PKHD1: variants seen among roughly 807,000 people sequenced by gnomAD.
The protein encoded by PKHD1 is fibrocystin.
PKHD1 carries 291 observed loss-of-function variants against 412.0 expected under a neutral mutation model. The ratio of observed to expected loss-of-function variants is 0.71; its 90% confidence interval spans 0.64 to 0.78. PKHD1 has a LOEUF of 0.78. Among genes scored for constraint, PKHD1 ranks in the 30% least tolerant of loss-of-function variants. The probability of loss-of-function intolerance (pLI) is 0.00; values close to 1 mark genes in which losing one functional copy is unlikely to be tolerated. For missense variants in PKHD1, 4,825 were observed against 4,950.7 expected, an observed-to-expected ratio of 0.97 and a Z score of 0.76; for synonymous variants, 1,777 against 1,821.5, an observed-to-expected ratio of 0.98 and a Z score of 0.62.
At chr6:51,638,450 T>C (rs1049955575) in intron 64 of PKHD1, among the ~76,000 whole-genome samples, 1 of 152,140 alleles carries the variant, frequency 6.6e-6, no homozygotes, top group Admixed American at 6.6e-5. Flanking sequence ...ATGGGTATTG[T>C]CCCCATTTGG....
intron 28 of PKHD1, 100 bp from the exon 29 acceptor site, chr6:52,033,265 T>G (rs951111293): frequency 1.8e-4 from 174 of 962,366 alleles, no homozygotes; most frequent in Non-Finnish European, 2.7e-4. Flanking sequence ...AAAAGTTAAT[T>G]TTAAGAAAGT....
chr6:51,777,413 G>T (rs932582192), intron 53 of PKHD1, among the ~76,000 whole-genome samples: 9 of 152,074 alleles, frequency 5.9e-5, no homozygotes, highest in Non-Finnish European at 1.0e-4. Flanking sequence ...AGGTCAATGG[G>T]TGAGCAAGCC....
Position 52,028,171 on chromosome 6 carries a change from C to G in PKHD1, c.3545G>C (p.Ser1182Thr), listed in dbSNP as rs1423728824. ...HRISVSINGV[S>T]IHSQGVDLHI... is the part of the protein sequence containing the mutation. ...GTCACCTCACCCTTGTGAGTGAATGCTGACCCCATTGATAGAGACGGAAAT... is the reference window on the plus strand; with the variant it reads ...GTCACCTCACCCTTGTGAGTGAATGGTGACCCCATTGATAGAGACGGAAAT... The change falls in exon 30 of 67, where the codon AGC becomes ACC. Residue 1182 changes from serine (S) to threonine (T), a missense_variant. By Grantham distance (58) the Ser-to-Thr change is moderately conservative (BLOSUM62 1). Coordinates refer to ENST00000371117, the MANE Select transcript of PKHD1 (RefSeq NM_138694.4). 1 of 1,614,172 alleles carries G rather than the reference C, an allele frequency of 6.2e-7. No individual in the cohort carries two copies. The highest frequency in any genetic ancestry group is 8.5e-7 in the Non-Finnish European group (1 of 1,179,968).
At chr6:51,728,710 C>G (rs1397476020) in intron 60 of PKHD1, among the ~76,000 whole-genome samples, 1 of 152,172 alleles carries the variant, frequency 6.6e-6, no homozygotes. Flanking sequence ...GCCAAGTTCA[C>G]CAGACTTCTG....
intron 61 of PKHD1, among the ~76,000 whole-genome samples, chr6:51,654,182 C>T (rs1386956821): frequency 6.6e-6 from 1 of 152,006 alleles, no homozygotes; most frequent in Non-Finnish European, 1.5e-5. Flanking sequence ...AATCATAAGT[C>T]GAAACCTTGA....
intron 48 of PKHD1, among the ~76,000 whole-genome samples, chr6:51,857,493 C>T (rs1204506346): frequency 2.0e-5 from 3 of 152,186 alleles, no homozygotes; most frequent in African/African-American, 7.2e-5. Flanking sequence ...TAGATTGGCA[C>T]TCAGTAGGTG....
intron 60 of PKHD1, among the ~76,000 whole-genome samples, chr6:51,728,681 A>G (rs1782878053): frequency 6.6e-6 from 1 of 152,194 alleles, no homozygotes; most frequent in African/African-American, 2.4e-5. Context: ...GCCATCAGAG[A>G]TCTGAAGCAG....
rs17638791 is a variant in PKHD1 at position 52,076,018 on chromosome 6, T to C, written c.448+258A>G. Among the ~76,000 whole-genome samples the C allele has an allele frequency of 0.053, 8,079 of 152,242 alleles. 296 individuals are homozygous for C. The highest frequency in any genetic ancestry group is 0.11 in the East Asian group (576 of 5,176). ...CTCCTCTTTCCTCCAGTCTCCAACA[T>C]CAACTCATTTGATTTTGCTGTCCTC... On this transcript the variant is annotated intron_variant, in intron 6 of 66. Coordinates refer to ENST00000371117, the MANE Select transcript of PKHD1 (RefSeq NM_138694.4).
chr6:51,701,264 G>A (rs1477260208), intron 60 of PKHD1, among the ~76,000 whole-genome samples: 4 of 152,014 alleles, frequency 2.6e-5, no homozygotes, highest in South Asian at 2.1e-4. Context: ...TGCCATATTC[G>A]AAATTATTAA....
chr6:51,817,037 C>T (rs992742598), intron 52 of PKHD1, among the ~76,000 whole-genome samples: 7 of 151,540 alleles, frequency 4.6e-5, no homozygotes, highest in African/African-American at 1.5e-4. Context: ...AGATACAGGA[C>T]GTTTTATCCG....
intron 33 of PKHD1, 118 bp from the exon 34 acceptor site, chr6:52,017,747 T>C (rs1344967087): frequency 2.6e-6 from 2 of 756,162 alleles, no homozygotes; most frequent in African/African-American, 3.5e-5. Flanking sequence ...AAGTTAGCAG[T>C]TTACTTTTTT....
chr6:51,777,679 GAAAAAAAAAAAAAAAAAAAAA>G (rs59379021), intron 53 of PKHD1, among the ~76,000 whole-genome samples: 49,310 of 121,102 alleles, frequency 0.41, 11,106 homozygotes, highest in East Asian at 0.7. Flanking sequence ...GAGTCTTTGG[GAAAAAAAAAAAAAAAAAAAAA>G]AAAAAAAAAA....
Position 51,844,426 on chromosome 6 carries a change from G to T in PKHD1, c.8107+3349C>A, listed in dbSNP as rs150663262. ...GGGTCAAAACATATTGTATGCGTAT[G>T]ATTTTTTTCTTTGTCACTGGGAATC... On this transcript the variant is annotated intron_variant, in intron 50 of 66. Transcript: ENST00000371117. Among the ~76,000 whole-genome samples the T allele has an allele frequency of 2.7e-3, 406 of 152,318 alleles. 3 individuals are homozygous for T. The highest frequency in any genetic ancestry group is 9.1e-3 in the African/African-American group (377 of 41,574).
intron 50 of PKHD1, among the ~76,000 whole-genome samples, chr6:51,840,806 T>C (rs1387929666): frequency 3.3e-5 from 5 of 152,352 alleles, no homozygotes; most frequent in Middle Eastern, 3.4e-3. Context: ...GTACTTTTTA[T>C]CAATTATACC....
At chr6:51,897,084 ACT>A (rs1262693316) in intron 43 of PKHD1, among the ~76,000 whole-genome samples, 3 of 151,862 alleles carry the variant, frequency 2.0e-5, no homozygotes, top group African/African-American at 7.3e-5. Flanking sequence ...GTTGGAAAAC[ACT>A]CTGCAGGATA....
chr6:51,913,686 C>T (rs774483118), intron 37 of PKHD1, among the ~76,000 whole-genome samples: 20 of 151,984 alleles, frequency 1.3e-4, no homozygotes, highest in Non-Finnish European at 2.4e-4. Context: ...CAGAGGTGGC[C>T]GACAATAAAT....
intron 60 of PKHD1, among the ~76,000 whole-genome samples, chr6:51,730,096 C>T (rs1783059909): frequency 6.6e-6 from 1 of 151,964 alleles, no homozygotes; most frequent in South Asian, 2.1e-4. Context: ...TTGGTTTGTT[C>T]CTTTTTGTTC....
intron 35 of PKHD1, among the ~76,000 whole-genome samples, chr6:51,989,080 C>T (rs929739462): frequency 1.2e-4 from 19 of 152,182 alleles, no homozygotes; most frequent in African/African-American, 3.9e-4. Flanking sequence ...ATATCCAATA[C>T]GATCCTTCTC....
chr6:51,793,078 A>G (rs1389410385), intron 52 of PKHD1, among the ~76,000 whole-genome samples: 1 of 152,202 alleles, frequency 6.6e-6, no homozygotes, highest in Non-Finnish European at 1.5e-5. Context: ...AATGTCGTCC[A>G]GATCTGTTGA....
Sources: allele counts gnomAD v4.1 joint callset (sites outside exome capture counted in the v4.1 genomes callset), GRCh38; gene constraint gnomAD v4.1.1; transcripts MANE v1.5; gene names NCBI Gene and HGNC (gene_info 2026-07-23, HGNC 2026-07-21).